ABLIM3: variants seen among roughly 807,000 people sequenced by gnomAD.
The protein encoded by ABLIM3 is actin binding LIM protein family member 3.
Under a neutral mutation model 109.5 loss-of-function variants are expected in ABLIM3, and 61 were observed. The observed-to-expected ratio is 0.56, with a 90% CI of 0.45 to 0.69. The LOEUF is 0.69. Among genes scored for constraint, ABLIM3 ranks in the 30% least tolerant of loss-of-function variants. ABLIM3 has a pLI of 0.00. For missense variants in ABLIM3, 796 were observed against 889.5 expected, an observed-to-expected ratio of 0.89 and a Z score of 1.34; for synonymous variants, 300 against 324.8, an observed-to-expected ratio of 0.92 and a Z score of 0.82.
chr5:149,244,820 G>A (rs577354513), intron 15 of ABLIM3, 61 bp from the exon 16 acceptor site: 24 of 1,610,874 alleles, frequency 1.5e-5, no homozygotes, highest in Admixed American at 3.3e-5. Context: ...TAGGAAAAGG[G>A]TACACAGTCC....
At chr5:149,186,350 G>A (rs1261905430) in intron 3 of ABLIM3, among the ~76,000 whole-genome samples, 1 of 152,046 alleles carries the variant, frequency 6.6e-6, no homozygotes, top group African/African-American at 2.4e-5. Flanking sequence ...GGAGGTGGAG[G>A]TTGCAGTGAG....
At chr5:149,231,684 T>TA (rs1357286532) in intron 9 of ABLIM3, among the ~76,000 whole-genome samples, 1 of 152,228 alleles carries the variant, frequency 6.6e-6, no homozygotes, top group Non-Finnish European at 1.5e-5. Context: ...ATTTAAGGTA[T>TA]AAGACCTAAT....
intron 6 of ABLIM3, among the ~76,000 whole-genome samples, chr5:149,207,414 C>A (rs777600059): frequency 5.3e-5 from 8 of 152,184 alleles, no homozygotes; most frequent in Non-Finnish European, 8.8e-5. Context: ...GGCCGTCTCT[C>A]ATTTACTGCC....
At chr5:149,237,264 G>T (rs1253974004) in intron 10 of ABLIM3, among the ~76,000 whole-genome samples, 184 bp from the exon 11 acceptor site, 1 of 152,218 alleles carries the variant, frequency 6.6e-6, no homozygotes, top group African/African-American at 2.4e-5. Flanking sequence ...AGCCCTGTTG[G>T]AATGGATGGC....
At chr5:149,206,550 A>G (rs1758994659) in intron 5 of ABLIM3, among the ~76,000 whole-genome samples, 1 of 152,198 alleles carries the variant, frequency 6.6e-6, no homozygotes, top group African/African-American at 2.4e-5. Context: ...CTGTATACTT[A>G]GCCCATCCCC....
chr5:149,158,103 T>C (rs899971321), intron 2 of ABLIM3, among the ~76,000 whole-genome samples: 3 of 152,328 alleles, frequency 2.0e-5, no homozygotes, highest in African/African-American at 4.8e-5. Context: ...TGGCCCTTAG[T>C]TTAAAACATT....
At chr5:149,236,240 A>G (rs1762338383) in intron 10 of ABLIM3, among the ~76,000 whole-genome samples, 1 of 152,226 alleles carries the variant, frequency 6.6e-6, no homozygotes, top group Non-Finnish European at 1.5e-5. Flanking sequence ...TGCAGTGCTG[A>G]TGTGGCAGGG....
At chr5:149,169,922 C>CAT (rs1362950379) in intron 2 of ABLIM3, among the ~76,000 whole-genome samples, 1 of 152,160 alleles carries the variant, frequency 6.6e-6, no homozygotes, top group African/African-American at 2.4e-5. Flanking sequence ...GTAATTAGGA[C>CAT]ATAAATTAGT....
At chr5:149,168,492 A>G (rs992274438) in intron 2 of ABLIM3, among the ~76,000 whole-genome samples, 1 of 152,210 alleles carries the variant, frequency 6.6e-6, no homozygotes, top group Non-Finnish European at 1.5e-5. Flanking sequence ...TCTCTCTGCC[A>G]GCATAGCCAC....
intron 8 of ABLIM3, chr5:149,220,140 A>G (rs748458932): frequency 6.6e-6 from 1 of 152,156 alleles, no homozygotes; most frequent in Non-Finnish European, 1.5e-5. Context: ...GCAAATATCT[A>G]TTGAGGATCT....
intron 17 of ABLIM3, chr5:149,247,525 TG>T (rs1332313933): frequency 1.5e-6 from 1 of 651,228 alleles, no homozygotes; most frequent in African/African-American, 1.8e-5. Flanking sequence ...GCCAAGACAA[TG>T]GGATCCTGTC....
intron 7 of ABLIM3, among the ~76,000 whole-genome samples, chr5:149,211,175 T>A (rs966688141): frequency 3.3e-5 from 5 of 151,704 alleles, no homozygotes; most frequent in Admixed American, 2.0e-4. Context: ...TATTTAATTA[T>A]TTATTTTGTT....
intron 7 of ABLIM3, among the ~76,000 whole-genome samples, chr5:149,211,301 C>A (rs1196042460): frequency 1.3e-5 from 2 of 152,126 alleles, no homozygotes; most frequent in Admixed American, 1.3e-4. Flanking sequence ...CTCTCCCCAG[C>A]CTTTGATGTA....
chr5:149,180,765 GAGGGGATGCAGCAGGGTT>G (rs1756388538), intron 2 of ABLIM3, among the ~76,000 whole-genome samples: 1 of 152,168 alleles, frequency 6.6e-6, no homozygotes, highest in Non-Finnish European at 1.5e-5. Context: ...TCCTTCTCTT[GAGGGGATGCAGCAGGGTT>G]AGGGCTGGGG....
chr5:149,176,181 G>A lies in ABLIM3; in HGVS notation c.14-7271G>A, dbSNP rs74747687. 1.8e-4 allele frequency among the ~76,000 whole-genome samples: 28 copies of A among 152,216 alleles called. 2 individuals carry two copies. The East Asian group carries it at 5.4e-3, about 29-fold the overall frequency. ...GGGACCCAGCACACACACCTGTCAGGCTTTACCTGCCCATGCCAGGGATGC... is the reference window on the plus strand; with the variant it reads ...GGGACCCAGCACACACACCTGTCAGACTTTACCTGCCCATGCCAGGGATGC... On this transcript the variant is annotated intron_variant, in intron 2 of 23. Transcript: ENST00000309868.
At position 149,259,224 on chromosome 5, in the gene ABLIM3, G is replaced by A. The variant is rs1754700477; in HGVS notation, c.*820G>A. 1 of 1,174,344 alleles carries A rather than the reference G, an allele frequency of 8.5e-7. No individual in the cohort carries two copies. Among genetic ancestry groups the A allele is most frequent in the Non-Finnish European group, 1.1e-6 (1 of 947,334 alleles). The allele number at this position is 1,174,344 out of a possible 1,614,324, so 72.7% of individuals were successfully genotyped here. A position where few individuals can be genotyped will look rare whatever the true frequency, so the allele number is the denominator to read the frequency against. On this transcript the variant is annotated 3_prime_UTR_variant, in exon 24 of 24. Transcript: ENST00000309868. Reference sequence around the variant, plus strand: ...GAATCAGAGCTGCAGGATTTCTTGGGACCCTCCTCTCTCCCTCACTGCTCC... The same window carrying A: ...GAATCAGAGCTGCAGGATTTCTTGGAACCCTCCTCTCTCCCTCACTGCTCC...
Position 149,183,524 on chromosome 5 carries a change from C to A in ABLIM3, c.86C>A (p.Thr29Asn). The A allele has an allele frequency of 6.2e-7, 1 of 1,600,162 alleles. No homozygotes were observed. The highest frequency in any genetic ancestry group is 8.5e-7 in the Non-Finnish European group (1 of 1,173,758). Residue 29 changes from threonine (T) to asparagine (N), a missense_variant, in exon 3 of 24, where the codon ACC (threonine) becomes AAC (asparagine). By Grantham distance (65) the Thr-to-Asn change is moderately conservative. Transcript: ENST00000309868. The stretch of plus-strand genomic sequence containing the variant: ...ATCCAGTGCTACCGCTGTGGAGACA[C>A]CTGCAAAGGGGAAGTGGTCCGCGTG... Reference protein sequence around the residue: ...NVIQCYRCGDTCKGEVVRVHN... With the variant: ...NVIQCYRCGDNCKGEVVRVHN...
intron 14 of ABLIM3, 56 bp downstream of exon 14, chr5:149,240,830 G>C: frequency 6.5e-7 from 1 of 1,531,572 alleles, no homozygotes; most frequent in Admixed American, 1.7e-5. Context: ...TGGGGTCACA[G>C]GTGCCTGAGT....
At chr5:149,148,773 G>A (rs138817522) in intron 2 of ABLIM3, among the ~76,000 whole-genome samples, 117 of 152,264 alleles carry the variant, frequency 7.7e-4, no homozygotes, top group African/African-American at 2.7e-3. Context: ...CTTGTCACAT[G>A]TGCCTTCTCC....
Sources: gnomAD v4.1 joint callset for allele counts (sites outside exome capture counted in the v4.1 genomes callset) on GRCh38, gnomAD v4.1.1 for gene constraint, MANE v1.5 for transcripts, NCBI Gene and HGNC (gene_info 2026-07-23, HGNC 2026-07-21) for gene names.